Variants in CLEC18A observed in about 807,000 individuals in gnomAD.
CLEC18A encodes mannose receptor-like 1.
A neutral mutation model predicts 24.0 loss-of-function variants in CLEC18A; 5 were observed. The observed-to-expected ratio is 0.21, with a 90% CI of 0.11 to 0.44. The LOEUF (loss-of-function observed/expected upper bound fraction) is 0.44. Among genes scored for constraint, CLEC18A ranks in the 20% least tolerant of loss-of-function variants. The pLI, the probability that CLEC18A is intolerant of heterozygous loss-of-function variation, is 0.99. For missense variants in CLEC18A, 83 were observed against 233.4 expected (o/e 0.36, Z 4.20); for synonymous variants, 29 against 100.1 (o/e 0.29, Z 4.24).
intron 2 of CLEC18A, chr16:69,953,823 A>AC: frequency 5.5e-6 from 1 of 181,526 alleles, no homozygotes; most frequent in Non-Finnish European, 1.2e-5. Context: ...AAAAAAAAAA[A>AC]AAAAAAAAAG....
chr16:69,944,659 AC>A, the CLEC18A span, among the ~76,000 whole-genome samples: 1 of 151,480 alleles, frequency 6.6e-6, no homozygotes, highest in African/African-American at 2.4e-5. Context: ...ACACAGTGAA[AC>A]CCCATCTCTA....
chr16:69,955,254 C>G (rs2059019577), intron 3 of CLEC18A, among the ~76,000 whole-genome samples: 1 of 152,160 alleles, frequency 6.6e-6, no homozygotes, highest in Admixed American at 6.5e-5. Flanking sequence ...CTGCCTGCCT[C>G]AGCCTCCCAA....
chr16:69,964,631 CTGGGACTACAGA>C (rs1473712189), downstream of CLEC18A, among the ~76,000 whole-genome samples: 4 of 151,210 alleles, frequency 2.6e-5, no homozygotes, highest in East Asian at 7.8e-4. Flanking sequence ...TCCCGAGTAG[CTGGGACTACAGA>C]CGCCCGCCAC....
upstream of CLEC18A, among the ~76,000 whole-genome samples, chr16:69,948,325 C>G (rs1280951290): frequency 9.6e-6 from 1 of 104,640 alleles, no homozygotes; most frequent in Non-Finnish European, 1.9e-5. Flanking sequence ...CTGGCCTGGA[C>G]ATGTAATTTT....
At chr16:69,951,022 C>T (rs1282267906), upstream of CLEC18A, 246 of 312,066 alleles carry the variant, frequency 7.9e-4, 1 homozygote, top group Middle Eastern at 9.9e-3. Context: ...CTGGAATGTC[C>T]GCGGGCCAAT....
chr16:69,955,926 C>CAAGTGGGT (rs2059028487), intron 3 of CLEC18A, among the ~76,000 whole-genome samples: 1 of 152,042 alleles, frequency 6.6e-6, no homozygotes, highest in Non-Finnish European at 1.5e-5. Flanking sequence ...CCTCTACTAC[C>CAAGTGGGT]TGTGCAAGTG....
At chr16:69,955,300 G>C (rs2059020337) in intron 3 of CLEC18A, among the ~76,000 whole-genome samples, 1 of 151,642 alleles carries the variant, frequency 6.6e-6, no homozygotes, top group South Asian at 2.1e-4. Context: ...ACCATGCCTG[G>C]CCTAAGCCAC....
chr16:69,956,169 C>T (rs2059032256), intron 3 of CLEC18A, among the ~76,000 whole-genome samples: 1 of 142,758 alleles, frequency 7.0e-6, no homozygotes, highest in South Asian at 2.3e-4. Context: ...ATTGCTGGAG[C>T]CTGGGAGGTG....
At position 69,963,689 on chromosome 16, in the gene CLEC18A, G is replaced by A; in HGVS notation, c.*78G>A. On this transcript the variant is annotated 3_prime_UTR_variant, in exon 12 of 12. Coordinates refer to ENST00000288040, the MANE Select transcript of CLEC18A (RefSeq NM_001370523.4). ...CTGTCTGCCCACCTGTCTGGAACAA[G>A]GGCCAGGTTAAGATCACATGCCTCA... The A allele has an allele frequency of 7.6e-7, 1 of 1,307,298 alleles. No homozygotes were observed. The allele number at this position is 1,307,298 out of a possible 1,614,324, so 81.0% of individuals were successfully genotyped here.
chr16:69,956,736 G>GTTTTGT (rs1167588208), intron 3 of CLEC18A, among the ~76,000 whole-genome samples: 1 of 115,300 alleles, frequency 8.7e-6, no homozygotes, highest in African/African-American at 3.7e-5. Context: ...TTTTTTGTTT[G>GTTTTGT]TTTTGTTTTT....
the CLEC18A span, among the ~76,000 whole-genome samples, chr16:69,945,639 C>A: frequency 3.3e-5 from 5 of 152,266 alleles, no homozygotes; most frequent in Non-Finnish European, 5.9e-5. Context: ...CAAACCTGGC[C>A]TCTCAATTGC....
downstream of CLEC18A, among the ~76,000 whole-genome samples, chr16:69,966,261 CA>C (rs1235745396): frequency 2.0e-5 from 3 of 150,590 alleles, no homozygotes; most frequent in African/African-American, 7.4e-5. Flanking sequence ...TGAAAGCCCC[CA>C]CTTGTGTTTA....
At chr16:69,966,330 A>G (rs1959392596), downstream of CLEC18A, among the ~76,000 whole-genome samples, 2 of 140,356 alleles carry the variant, frequency 1.4e-5, no homozygotes, top group South Asian at 4.5e-4. Context: ...CGCTGGGTAA[A>G]ATGAGGCTGA....
downstream of CLEC18A, among the ~76,000 whole-genome samples, chr16:69,964,728 C>T (rs534105683): frequency 1.0e-3 from 155 of 151,346 alleles, no homozygotes; most frequent in African/African-American, 3.6e-3. Context: ...TGGTATCGAT[C>T]TCCCGACCTC....
intron 10 of CLEC18A, 136 bp from the exon 11 acceptor site, chr16:69,962,816 GGGCTGGGGGCTTGGGGACGGGCCT>G: frequency 9.4e-7 from 1 of 1,068,218 alleles, no homozygotes; most frequent in Non-Finnish European, 1.3e-6. Context: ...AAGTGGAGCA[GGGCTGGGGGCTTGGGGACGGGCCT>G]GGCTCCCGGC....
chr16:69,946,079 T>C (rs1271295202), upstream of CLEC18A, among the ~76,000 whole-genome samples: 5 of 72,156 alleles, frequency 6.9e-5, no homozygotes, highest in East Asian at 1.1e-3. Flanking sequence ...AGTGACAGAG[T>C]GAGACTCTGT....
chr16:69,954,715 T>C, intron 3 of CLEC18A, 142 bp downstream of exon 3: 1 of 1,476,426 alleles, frequency 6.8e-7, no homozygotes. Context: ...TTTTTTTTTT[T>C]GATACGGAGT....
At chr16:69,953,990 T>C (rs918317988) in intron 2 of CLEC18A, among the ~76,000 whole-genome samples, 4 of 145,034 alleles carry the variant, frequency 2.8e-5, no homozygotes, top group Non-Finnish European at 6.1e-5. Flanking sequence ...TTTCTGACAA[T>C]GGCCAGGGCC....
rs758828642 is a variant in CLEC18A, at chr16:69,963,041, C to G, written c.1277C>G (p.Thr426Ser). ...AACTGGAACGACCAGCGCTGCAAAA[C>G]CCGAAACCGTTACATCTGCCAGTTT... ...AFNWNDQRCK[T>S]RNRYICQFAQ... Residue 426 changes from threonine to serine, a missense_variant, in exon 11 of 12, where the codon ACC (threonine) becomes AGC (serine). By Grantham distance (58) the Thr-to-Ser change is moderately conservative (BLOSUM62 1). Around this residue, in one of 3 missense-constraint regions of CLEC18A, gnomAD observed 11 missense variants for 57.6 expected, o/e 0.19. Transcript: ENST00000288040. 4 of 1,613,560 alleles carry G rather than the reference C, an allele frequency of 2.5e-6. No individual in the cohort carries two copies. The South Asian group carries it at 4.4e-5, about 18-fold the overall frequency.
Sources: allele counts gnomAD v4.1 joint callset (sites outside exome capture counted in the v4.1 genomes callset), GRCh38; gene constraint gnomAD v4.1.1; regional missense constraint gnomAD v4.1.1; transcripts MANE v1.5; gene names NCBI Gene and HGNC (gene_info 2026-07-23, HGNC 2026-07-21).